The following SIGLEC8 variants were observed in gnomAD, a reference collection of about 807,000 sequenced individuals.
The protein encoded by SIGLEC8 is sialic acid-binding Ig-like lectin 8.
A neutral mutation model predicts 42.1 loss-of-function variants in SIGLEC8; 32 were observed. The observed-to-expected ratio is 0.76, with a 90% CI of 0.57 to 1.02. The LOEUF (loss-of-function observed/expected upper bound fraction) is 1.02, where lower values mean the gene tolerates loss of function less well. SIGLEC8 is among the 50% of genes least tolerant of loss of function. The probability of loss-of-function intolerance (pLI) is 0.00; values close to 1 mark genes in which losing one functional copy is unlikely to be tolerated. For synonymous variants in SIGLEC8, 262 were observed against 260.3 expected (o/e 1.01, Z -0.06); for missense variants, 611 against 610.2 (o/e 1.00, Z -0.01).
In SIGLEC8 at chr19:51,458,013, C is replaced by T. The variant is rs756369093; in HGVS notation, c.375G>A (p.Arg125=). ...TCCATTTCATGCTTCCTCTCTCTAG[C>T]CGAAAGAAATATGACCCCTTATCCC... ...RKRDKGSYFF[R]LERGSMKWSY... Residue 125 remains arginine (R), a synonymous_variant, in exon 1 of 7, where the codon CGG becomes CGA. Transcript: ENST00000321424. 1 of 1,614,136 alleles carries T rather than the reference C, an allele frequency of 6.2e-7. No individual in the cohort carries two copies. The highest frequency in any genetic ancestry group is 1.1e-5 in the South Asian group (1 of 91,080).
intron 6 of SIGLEC8, chr19:51,453,705 T>A: frequency 2.1e-6 from 2 of 967,894 alleles, no homozygotes; most frequent in Non-Finnish European, 1.2e-6. Context: ...GAGAAAAAAA[T>A]AAAAATAAGA....
chr19:51,453,765 A>C, intron 6 of SIGLEC8: 1 of 984,898 alleles, frequency 1.0e-6, no homozygotes, highest in Non-Finnish European at 1.2e-6. Context: ...ACGAGAGTAA[A>C]TGAGAGAGAA....
chr19:51,457,297 A>G, intron 2 of SIGLEC8, 66 bp from the exon 3 acceptor site: 3 of 1,536,752 alleles, frequency 2.0e-6, no homozygotes, highest in Non-Finnish European at 2.7e-6. Context: ...CTGTCTTCCC[A>G]GGAGCTGCAA....
At position 51,458,422 on chromosome 19, in the gene SIGLEC8, C is replaced by G. The variant is rs745411633; in HGVS notation, c.-35G>C. The G allele has an allele frequency of 8.2e-6, 13 of 1,592,892 alleles. No individual in the cohort carries two copies. In the South Asian group the frequency reaches 1.3e-4, roughly 15 times the overall value. On this transcript the variant is annotated 5_prime_UTR_variant, in exon 1 of 7. Transcript: ENST00000321424. ...TGAAGGCGCCAGGGCCGCCAGGGAACGTCTGTTCCTCAGGGTTCTTCTCTC... is the reference window on the plus strand; with the variant it reads ...TGAAGGCGCCAGGGCCGCCAGGGAAGGTCTGTTCCTCAGGGTTCTTCTCTC...
At position 51,452,098 on chromosome 19, in the gene SIGLEC8, G is replaced by C. The variant is rs924085282; in HGVS notation, c.*281C>G. The stretch of plus-strand genomic sequence containing the variant: ...TATTCAGTGCTTGATTCTGTCATTT[G>C]AGAGAACATGGATGAACCTAGGGGA... On this transcript the variant is annotated 3_prime_UTR_variant, in exon 7 of 7. Coordinates refer to ENST00000321424, the MANE Select transcript of SIGLEC8 (RefSeq NM_014442.3). 2.0e-5 allele frequency: 6 copies of C among 298,790 alleles called. No individual in the cohort carries two copies. The highest frequency in any genetic ancestry group is 9.2e-4 in the Middle Eastern group (1 of 1,086). 18.5% of individuals were successfully genotyped at this position (298,790 alleles called of 1,614,324 possible).
At position 51,452,532 on chromosome 19, in the gene SIGLEC8, G is replaced by T. The variant is rs748087211; in HGVS notation, c.1347C>A (p.Thr449=). The part of the protein sequence containing the change: ...SGEEGELHYA[T]LSFHKVKPQD... ...GAGGCTTCACTTTATGGAAGCTGAG[G>T]GTTGCATAATGGAGCTCTCCTTCCT... Residue 449 remains threonine (T), a synonymous_variant, in exon 7 of 7, where the codon ACC becomes ACA. Transcript: ENST00000321424. 3.2e-5 allele frequency: 51 copies of T among 1,599,254 alleles called. No individual in the cohort carries two copies. The highest frequency in any genetic ancestry group is 4.1e-5 in the Non-Finnish European group (48 of 1,167,712).
In SIGLEC8 at chr19:51,452,406, G is replaced by A. The variant is rs374585747; in HGVS notation, c.1473C>T (p.Asn491=). 1.9e-6 allele frequency: 3 copies of A among 1,607,134 alleles called. No individual in the cohort carries two copies. The highest frequency in any genetic ancestry group is 1.3e-5 in the African/African-American group (1 of 74,830). ...AETQACLRNH[N]PSSKEVRG Reference sequence around the variant, plus strand: ...AGCCTCTGACTTCTTTGCTGGAGGGGTTGTGATTCCTCAAACAGGCCTGAG... The same window carrying A: ...AGCCTCTGACTTCTTTGCTGGAGGGATTGTGATTCCTCAAACAGGCCTGAG... The change falls in exon 7 of 7, where the codon AAC becomes AAT. Residue 491 remains asparagine (N), a synonymous_variant. Transcript: ENST00000321424.
intron 3 of SIGLEC8, among the ~76,000 whole-genome samples, chr19:51,456,515 A>G (rs1989496422): frequency 6.6e-6 from 1 of 152,230 alleles, no homozygotes; most frequent in African/African-American, 2.4e-5. Context: ...TCCACTGCAC[A>G]GTTTCTGCGG....
In SIGLEC8 at chr19:51,457,716, G is replaced by C. The variant is rs748257768; in HGVS notation, c.478C>G (p.Leu160Val). The C allele has an allele frequency of 1.3e-5, 21 of 1,590,444 alleles. No individual in the cohort carries two copies. Among genetic ancestry groups the C allele is most frequent in the Non-Finnish European group, 1.8e-5 (21 of 1,169,772 alleles). Residue 160 changes from leucine to valine, a missense_variant, in exon 2 of 7, where the codon CTC becomes GTC. Physicochemically the swap from Leu to Val is conservative, Grantham distance 32. Transcript: ENST00000321424. ...CCAGACTCTAGGGTCCCTAGGATGA[G>C]GATGTCAGGCCTATGGGTCAGGGCT... is the stretch of plus-strand genomic sequence containing the variant. The part of the protein sequence containing the change: ...VTALTHRPDI[L>V]ILGTLESGHS...
chr19:51,453,697 G>GA (rs1472980229), intron 6 of SIGLEC8: 5 of 960,592 alleles, frequency 5.2e-6, no homozygotes, highest in Non-Finnish European at 6.2e-6. Context: ...TCTGCCTCGA[G>GA]AAAAAAATAA....
intron 6 of SIGLEC8, chr19:51,453,895 G>A (rs940054501): frequency 2.9e-5 from 29 of 985,120 alleles, no homozygotes; most frequent in Middle Eastern, 5.2e-4. Context: ...AATGAGAGGG[G>A]TCAGGATGGC....
Position 51,457,921 on chromosome 19 carries a change from G to A in SIGLEC8, c.454+13C>T, listed in dbSNP as rs1989536957. 1 of 1,612,690 alleles carries A rather than the reference G, an allele frequency of 6.2e-7. No individual in the cohort carries two copies. ...ACCTTCCCCTGTGGCCTGTGCTGGA[G>A]CCCGTGCCTTACCTGTCACAAACAC... On this transcript the variant is annotated intron_variant, in intron 1 of 6. Coordinates refer to ENST00000321424, the MANE Select transcript of SIGLEC8 (RefSeq NM_014442.3).
At chr19:51,457,081 G>GAAA in intron 3 of SIGLEC8, 103 bp downstream of exon 3, 3 of 1,061,538 alleles carry the variant, frequency 2.8e-6, no homozygotes, top group Non-Finnish European at 4.4e-6. Context: ...ACGCACAGTG[G>GAAA]CAGCTCTGTT....
chr19:51,455,538 C>T lies in SIGLEC8; in HGVS notation c.931G>A (p.Gly311Arg). The T allele has an allele frequency of 1.2e-6, 2 of 1,614,130 alleles. No homozygotes were observed. Among genetic ancestry groups the T allele is most frequent in the Non-Finnish European group, 1.7e-6 (2 of 1,180,018 alleles). Residue 311 changes from glycine (G) to arginine (R), a missense_variant, in exon 4 of 7, where the codon GGG (glycine) becomes AGG (arginine). Transcript: ENST00000321424. ...TLCPSRSSNP[G>R]LLELPRVHVR... ...TGCACTCGAGGCAGCTCCAGCAGCC[C>T]AGGGTTTGAGGACCGTGAGGGGCAC...
Position 51,458,108 on chromosome 19 carries a change from C to T in SIGLEC8, c.280G>A (p.Gly94Ser). Reference sequence around the variant, plus strand: ...ATGTCCCCAAGGAGTTGGAATCGGCCCTGGGTCTCTGCCTGCACTTCTCTG... The same window carrying T: ...ATGTCCCCAAGGAGTTGGAATCGGCTCTGGGTCTCTGCCTGCACTTCTCTG... ...PDREVQAETQ[G>S]RFQLLGDIWS... is the part of the protein sequence containing the mutation. Residue 94 changes from glycine (G) to serine (S), a missense_variant, in exon 1 of 7, where the codon GGC (glycine) becomes AGC (serine). Physicochemically the swap from Gly to Ser is moderately conservative, Grantham distance 56. Coordinates refer to ENST00000321424, the MANE Select transcript of SIGLEC8 (RefSeq NM_014442.3). 6.2e-7 allele frequency: 1 copy of T among 1,614,138 alleles called. No homozygotes were observed. Among genetic ancestry groups the T allele is most frequent in the Non-Finnish European group, 8.5e-7 (1 of 1,180,020 alleles).
At position 51,452,500 on chromosome 19, in the gene SIGLEC8, G is replaced by A. The variant is rs766696603; in HGVS notation, c.1379C>T (p.Pro460Leu). The change falls in exon 7 of 7, where the codon CCG becomes CTG. Residue 460 changes from proline (P) to leucine (L), a missense_variant. Coordinates refer to ENST00000321424, the MANE Select transcript of SIGLEC8 (RefSeq NM_014442.3). The part of the protein sequence containing the change: ...LSFHKVKPQD[P>L]QGQEATDSEY... The stretch of plus-strand genomic sequence containing the variant: ...ACTGTCAGTGGCCTCCTGTCCCTGC[G>A]GGTCCTGAGGCTTCACTTTATGGAA... 43 of 1,609,184 alleles carry A rather than the reference G, an allele frequency of 2.7e-5. No homozygotes were observed. The highest frequency in any genetic ancestry group is 1.1e-4 in the African/African-American group (8 of 74,830).
In SIGLEC8 at chr19:51,458,168, A is replaced by G. The variant is rs745778438; in HGVS notation, c.220T>C (p.Tyr74His). ...TTTGTGGCCACTGGAGCGTCTTGGTATGGTCTGTCTCCTGCCCGGAACCAG... is the reference window on the plus strand; with the variant it reads ...TTTGTGGCCACTGGAGCGTCTTGGTGTGGTCTGTCTCCTGCCCGGAACCAG... ...GYWFRAGDRPYQDAPVATNNP... is the reference protein window; with the variant it reads ...GYWFRAGDRPHQDAPVATNNP... The change falls in exon 1 of 7, where the codon TAC (tyrosine) becomes CAC (histidine). Residue 74 changes from tyrosine to histidine, a missense_variant. By Grantham distance (83) the Tyr-to-His change is moderately conservative. Coordinates refer to ENST00000321424, the MANE Select transcript of SIGLEC8 (RefSeq NM_014442.3). 3.1e-6 allele frequency: 5 copies of G among 1,613,954 alleles called. No individual in the cohort carries two copies. The South Asian group carries it at 4.4e-5, about 14-fold the overall frequency.
At position 51,458,322 on chromosome 19, in the gene SIGLEC8, TTGTC is replaced by T. The variant is rs761853931; in HGVS notation, c.62_65del (p.Arg21AsnfsTer14). On this transcript the variant is annotated frameshift_variant, in exon 1 of 7. Transcript: ENST00000321424. LOFTEE classifies it high-confidence loss of function. ...CTTGCAGCAAGTAACCATCCCCATA[TTGTC>T]TGTCTCCCTCCATCCCCTTTGTCCC... 33 of 1,614,076 alleles carry T rather than the reference TTGTC, an allele frequency of 2.0e-5. No individual in the cohort carries two copies. The highest frequency in any genetic ancestry group is 2.8e-5 in the Non-Finnish European group (33 of 1,179,972).
intron 3 of SIGLEC8, among the ~76,000 whole-genome samples, chr19:51,456,242 A>T (rs865836348): frequency 6.6e-6 from 1 of 151,740 alleles, no homozygotes; most frequent in African/African-American, 2.4e-5. Context: ...ATAAAAGGAG[A>T]CAGAGGGTCA....
Sources: allele counts gnomAD v4.1 joint callset (sites outside exome capture counted in the v4.1 genomes callset), GRCh38; gene constraint gnomAD v4.1.1; transcripts MANE v1.5; gene names NCBI Gene and HGNC (gene_info 2026-07-23, HGNC 2026-07-21).